The following SYMPK variants were observed in gnomAD, a reference collection of about 807,000 sequenced individuals.
The protein encoded by SYMPK is symplekin.
Under a neutral mutation model 136.4 loss-of-function variants are expected in SYMPK, and 49 were observed. That is an observed-to-expected ratio of 0.36 (90% CI 0.29 to 0.46). The LOEUF is 0.46. Among genes scored for constraint, SYMPK ranks in the 20% least tolerant of loss-of-function variants. The pLI is 1.00. For missense variants in SYMPK, 1,365 were observed against 1,690.0 expected, an observed-to-expected ratio of 0.81 and a Z score of 3.37; for synonymous variants, 766 against 713.0, an observed-to-expected ratio of 1.07 and a Z score of -1.19.
At chr19:45,859,950 A>G (rs950068647) in intron 1 of SYMPK, among the ~76,000 whole-genome samples, 4 of 85,574 alleles carry the variant, frequency 4.7e-5, no homozygotes, top group Non-Finnish European at 8.7e-5. Flanking sequence ...GTAAGACTCC[A>G]TCTAAAAAAA....
intron 18 of SYMPK, chr19:45,824,299 C>T (rs751329751): frequency 4.3e-5 from 8 of 185,032 alleles, no homozygotes; most frequent in East Asian, 1.6e-4. Context: ...GCCTGCTCTG[C>T]GGTGAATGCC....
Position 45,816,823 on chromosome 19 carries a change from T to C in SYMPK, c.3233A>G (p.His1078Arg). The stretch of plus-strand genomic sequence containing the variant: ...CTGGTGGGGGGTGAAGGAGCGGACA[T>C]GGGCCAGCAGGGGCTCCCGGAGCTC... ...CPELREPLLA[H>R]VRSFTPHQQA... Residue 1078 changes from histidine to arginine, a missense_variant, in exon 24 of 27, where the codon CAT becomes CGT. Coordinates refer to ENST00000245934, the MANE Select transcript of SYMPK (RefSeq NM_004819.3). The C allele has an allele frequency of 6.5e-7, 1 of 1,542,806 alleles. No homozygotes were observed. Among genetic ancestry groups the C allele is most frequent in the Non-Finnish European group, 8.7e-7 (1 of 1,143,944 alleles).
chr19:45,860,690 C>T (rs1295561220), intron 1 of SYMPK, among the ~76,000 whole-genome samples: 1 of 152,152 alleles, frequency 6.6e-6, no homozygotes, highest in Non-Finnish European at 1.5e-5. Flanking sequence ...GTTGCCCAAG[C>T]TGGAGTGCAG....
intron 26 of SYMPK, 38 bp downstream of exon 26, chr19:45,815,813 C>A: frequency 6.2e-7 from 1 of 1,604,296 alleles, no homozygotes; most frequent in Non-Finnish European, 8.5e-7. Flanking sequence ...CGGCCCAGAT[C>A]CGGCTTCTTC....
At chr19:45,825,589 A>C (rs1415029779) in intron 17 of SYMPK, among the ~76,000 whole-genome samples, 2 of 152,166 alleles carry the variant, frequency 1.3e-5, no homozygotes, top group African/African-American at 2.4e-5. Flanking sequence ...CTCTGGCTCC[A>C]ATCCCAGCCA....
At chr19:45,817,150 G>C (rs1295350017) in intron 23 of SYMPK, 176 bp from the exon 24 acceptor site, 2 of 622,948 alleles carry the variant, frequency 3.2e-6, no homozygotes, top group African/African-American at 2.0e-5. Context: ...CCCGATCCAG[G>C]CGGCTGGACC....
Position 45,835,211 on chromosome 19 carries a change from C to T in SYMPK, c.1260G>A (p.Val420=), listed in dbSNP as rs1344746034. 1.9e-6 allele frequency: 3 copies of T among 1,606,078 alleles called. No individual in the cohort carries two copies. The highest frequency in any genetic ancestry group is 1.3e-5 in the African/African-American group (1 of 74,740). ...AGGCTGGCATGGCCTCGGGTAGGTA[C>T]ACCATGCTGATGAGGACCTGTGGGA... ...NVANLVLISM[V]YLPEAMPASF... is the part of the protein sequence containing the mutation. Residue 420 remains valine, a synonymous_variant, in exon 11 of 27, where the codon GTG becomes GTA. Coordinates refer to ENST00000245934, the MANE Select transcript of SYMPK (RefSeq NM_004819.3).
At position 45,848,144 on chromosome 19, in the gene SYMPK, T is replaced by C; in HGVS notation, c.427-143A>G. 3 of 1,116,776 alleles carry C rather than the reference T, an allele frequency of 2.7e-6. No individual in the cohort carries two copies. The South Asian group carries it at 5.1e-5, about 19-fold the overall frequency. The allele number at this position is 1,116,776 out of a possible 1,614,324, so 69.2% of individuals were successfully genotyped here. A position where few individuals can be genotyped will look rare whatever the true frequency, so the allele number is the denominator to read the frequency against. ...GTTAACAGTTACTGAGTTCCAACTC[T>C]GCCCCAGCCCAGTGCTCGGTGATGC... On this transcript the variant is annotated intron_variant, in intron 6 of 26. Coordinates refer to ENST00000245934, the MANE Select transcript of SYMPK (RefSeq NM_004819.3).
chr19:45,825,867 G>A (rs924520771), intron 17 of SYMPK, among the ~76,000 whole-genome samples: 12 of 152,178 alleles, frequency 7.9e-5, no homozygotes, highest in Non-Finnish European at 1.8e-4. Context: ...CAGGCCTCCC[G>A]TGCTGCCCTA....
intron 12 of SYMPK, chr19:45,830,556 A>C: frequency 4.5e-6 from 1 of 220,046 alleles, no homozygotes; most frequent in Non-Finnish European, 9.4e-6. Context: ...AGGGTAGCAG[A>C]AGAGAGCTCG....
chr19:45,824,109 T>C (rs10853777), intron 18 of SYMPK: 426,640 of 502,082 alleles, frequency 0.85, 181,770 homozygotes, highest in African/African-American at 0.89. Flanking sequence ...GGCTGGGCTG[T>C]CCTCCTGCGG....
chr19:45,815,805 G>A (rs1194364019), intron 26 of SYMPK, 46 bp downstream of exon 26: 3 of 1,598,598 alleles, frequency 1.9e-6, no homozygotes, highest in African/African-American at 2.7e-5. Flanking sequence ...CTTCACCCCG[G>A]CCCAGATCCG....
At chr19:45,825,038 G>T in intron 18 of SYMPK, 133 bp downstream of exon 18, 1 of 1,120,882 alleles carries the variant, frequency 8.9e-7, no homozygotes, top group Non-Finnish European at 1.3e-6. Context: ...AAGCTACACA[G>T]CCTGGGTCGG....
intron 7 of SYMPK, among the ~76,000 whole-genome samples, 195 bp downstream of exon 7, chr19:45,847,557 A>G (rs1971593740): frequency 6.6e-6 from 1 of 152,192 alleles, no homozygotes; most frequent in African/African-American, 2.4e-5. Context: ...AAGTACAGAG[A>G]CAGGTAACTT....
intron 10 of SYMPK, among the ~76,000 whole-genome samples, chr19:45,836,739 A>G (rs1971310562): frequency 6.6e-6 from 1 of 152,118 alleles, no homozygotes; most frequent in Non-Finnish European, 1.5e-5. Context: ...CCTGGGCTTA[A>G]GCAATCCTCC....
chr19:45,854,223 G>A lies in SYMPK; in HGVS notation c.123C>T (p.Asn41=). The change falls in exon 3 of 27, where the codon AAC becomes AAT. Residue 41 remains asparagine (N), a synonymous_variant. Transcript: ENST00000245934. The part of the protein sequence containing the change: ...TTSERVVDLL[N]QAALITNDSK... Reference sequence around the variant, plus strand: ...AGTCATTGGTGATCAGCGCCGCCTGGTTCAGAAGATCCACCACCTGGAAGG... The same window carrying A: ...AGTCATTGGTGATCAGCGCCGCCTGATTCAGAAGATCCACCACCTGGAAGG... 6.2e-7 allele frequency: 1 copy of A among 1,614,124 alleles called. No individual in the cohort carries two copies. The highest frequency in any genetic ancestry group is 8.5e-7 in the Non-Finnish European group (1 of 1,180,016).
intron 16 of SYMPK, among the ~76,000 whole-genome samples, chr19:45,826,853 C>T (rs1381118068): frequency 1.3e-5 from 2 of 152,232 alleles, no homozygotes; most frequent in South Asian, 2.1e-4. Context: ...TGAATGAAAA[C>T]GCTACCCAGC....
rs1971135512 is a variant in SYMPK at position 45,830,174 on chromosome 19, A to G, written c.1629T>C (p.Ile543=). 1 of 1,610,246 alleles carries G rather than the reference A, an allele frequency of 6.2e-7. No homozygotes were observed. Among genetic ancestry groups the G allele is most frequent in the Non-Finnish European group, 8.5e-7 (1 of 1,178,102 alleles). The change falls in exon 13 of 27, where the codon ATT becomes ATC. Residue 543 remains isoleucine, a synonymous_variant. Coordinates refer to ENST00000245934, the MANE Select transcript of SYMPK (RefSeq NM_004819.3). ...GCTTCAGCACGTCGCTGAGACGGAA[A>G]ATTTTCTTGCGCCCACCAGCGCCTG... ...RLAGAGGRKK[I]FRLSDVLKPL...
intron 17 of SYMPK, 85 bp from the exon 18 acceptor site, chr19:45,825,416 T>C (rs1971018134): frequency 6.7e-7 from 1 of 1,498,200 alleles, no homozygotes; most frequent in Non-Finnish European, 9.0e-7. Flanking sequence ...TCTTGGGCAG[T>C]GGAGCCGGGG....
Sources: gnomAD v4.1 joint callset for allele counts (sites outside exome capture counted in the v4.1 genomes callset) on GRCh38, gnomAD v4.1.1 for gene constraint, MANE v1.5 for transcripts, NCBI Gene and HGNC (gene_info 2026-07-23, HGNC 2026-07-21) for gene names.